NEK1: variants seen among roughly 807,000 people sequenced by gnomAD.
NEK1 encodes serine/threonine-protein kinase Nek1.
Under a neutral mutation model 182.1 loss-of-function variants are expected in NEK1, and 137 were observed. The observed-to-expected ratio is 0.75, with a 90% CI of 0.65 to 0.87. The LOEUF is 0.87. NEK1 is among the 40% of genes least tolerant of loss of function. NEK1 has a pLI of 0.00. For synonymous variants in NEK1, 513 were observed against 492.2 expected, an observed-to-expected ratio of 1.04 and a Z score of -0.56; for missense variants, 1,391 against 1,494.4, an observed-to-expected ratio of 0.93 and a Z score of 1.14.
At chr4:169,397,154 G>A (rs1730864406) in intron 35 of NEK1, among the ~76,000 whole-genome samples, 1 of 152,050 alleles carries the variant, frequency 6.6e-6, no homozygotes, top group African/African-American at 2.4e-5. Flanking sequence ...AGCCCAGGAG[G>A]CGGAGGTTGC....
intron 9 of NEK1, among the ~76,000 whole-genome samples, chr4:169,586,358 T>TA (rs538549068): frequency 1.3e-5 from 2 of 152,066 alleles, no homozygotes; most frequent in African/African-American, 2.4e-5. Flanking sequence ...GTCATTTGAG[T>TA]AAATTCAATC....
At chr4:169,405,180 T>C (rs1010518644) in intron 32 of NEK1, among the ~76,000 whole-genome samples, 7 of 152,206 alleles carry the variant, frequency 4.6e-5, no homozygotes, top group Non-Finnish European at 7.3e-5. Flanking sequence ...GCTAACATCA[T>C]AGAATGTGCT....
At chr4:169,601,593 G>T (rs1770496197) in intron 4 of NEK1, among the ~76,000 whole-genome samples, 2 of 152,066 alleles carry the variant, frequency 1.3e-5, no homozygotes, top group African/African-American at 4.8e-5. Context: ...GGTAGTGGTG[G>T]CAGCACTTAC....
chr4:169,587,168 T>C (rs955011386), intron 9 of NEK1, among the ~76,000 whole-genome samples: 3 of 152,026 alleles, frequency 2.0e-5, no homozygotes, highest in African/African-American at 4.8e-5. Context: ...AGTGAGTATA[T>C]GGAATGAAAT....
At chr4:169,521,854 G>A (rs1756115301) in intron 19 of NEK1, among the ~76,000 whole-genome samples, 1 of 151,974 alleles carries the variant, frequency 6.6e-6, no homozygotes, top group African/African-American at 2.4e-5. Context: ...CCATTTTTCA[G>A]ATTTGTCTTT....
chr4:169,458,815 G>C (rs1284552806), intron 27 of NEK1, among the ~76,000 whole-genome samples: 1 of 137,426 alleles, frequency 7.3e-6, no homozygotes, highest in Non-Finnish European at 1.5e-5. Context: ...GCAACACAGT[G>C]AGACCCCATC....
At chr4:169,572,033 C>T (rs977618071) in intron 12 of NEK1, among the ~76,000 whole-genome samples, 8 of 151,834 alleles carry the variant, frequency 5.3e-5, no homozygotes, top group East Asian at 3.9e-4. Context: ...CAGGAGCCAC[C>T]GGGCCCGGCC....
At chr4:169,592,698 T>TAA (rs56303055) in intron 5 of NEK1, among the ~76,000 whole-genome samples, 74 of 146,910 alleles carry the variant, frequency 5.0e-4, no homozygotes, top group African/African-American at 8.7e-4. Context: ...CAATTTTCTT[T>TAA]AAAAAAAAAA....
In NEK1 at chr4:169,498,405, T is replaced by C. The variant is rs189192193; in HGVS notation, c.2007+8632A>G. On this transcript the variant is annotated intron_variant, in intron 23 of 35. Transcript: ENST00000507142. ...AATTGGAGCATTTAGCCCATTTACATTTAAGGTTAATATTGTTATGTGTGA... is the reference window on the plus strand; with the variant it reads ...AATTGGAGCATTTAGCCCATTTACACTTAAGGTTAATATTGTTATGTGTGA... Among the ~76,000 whole-genome samples, 84 of 152,316 alleles carry C rather than the reference T, an allele frequency of 5.5e-4. No individual in the cohort carries two copies. In the East Asian group the frequency reaches 0.012, roughly 22 times the overall value.
intron 24 of NEK1, among the ~76,000 whole-genome samples, chr4:169,479,062 T>C (rs1455049347): frequency 2.6e-5 from 4 of 152,190 alleles, no homozygotes; most frequent in Non-Finnish European, 5.9e-5. Context: ...AGAGACATTA[T>C]TCTTTTTAAA....
chr4:169,531,598 G>A (rs965788810), intron 19 of NEK1, among the ~76,000 whole-genome samples: 24 of 152,092 alleles, frequency 1.6e-4, no homozygotes, highest in East Asian at 1.4e-3. Flanking sequence ...AATAAGGCCC[G>A]AAAGTAAGAG....
intron 19 of NEK1, among the ~76,000 whole-genome samples, chr4:169,536,002 A>G (rs1297080180): frequency 6.6e-6 from 1 of 151,698 alleles, no homozygotes; most frequent in Non-Finnish European, 1.5e-5. Flanking sequence ...AACATGAAGA[A>G]AACTACACAA....
chr4:169,409,993 T>C (rs1215972928), intron 31 of NEK1, among the ~76,000 whole-genome samples: 1 of 152,228 alleles, frequency 6.6e-6, no homozygotes, highest in African/African-American at 2.4e-5. Flanking sequence ...AGATTCTGAA[T>C]AGTAGACTGG....
intron 27 of NEK1, 29 bp downstream of exon 27, chr4:169,463,214 G>T: frequency 7.8e-7 from 1 of 1,286,910 alleles, no homozygotes; most frequent in South Asian, 2.3e-5. Flanking sequence ...ATTACTTCTA[G>T]TATAGAAAAA....
intron 2 of NEK1, among the ~76,000 whole-genome samples, chr4:169,610,020 T>C (rs1461078579): frequency 6.6e-6 from 1 of 151,184 alleles, no homozygotes; most frequent in Non-Finnish European, 1.5e-5. Flanking sequence ...GAATTTCTTT[T>C]TTTTTTTTTT....
chr4:169,509,403 TATTTCTC>T lies in NEK1; in HGVS notation c.1666-558_1666-552del, dbSNP rs200038249. 8.5e-3 allele frequency among the ~76,000 whole-genome samples: 1,289 copies of T among 152,260 alleles called. 12 individuals carry two copies. The highest frequency in any genetic ancestry group is 0.029 in the African/African-American group (1,213 of 41,548). ...GACTCATTTTTGAACATAGTTTATA[TATTTCTC>T]TTCCTTCAGCATACGAGCATGCTTC... On this transcript the variant is annotated intron_variant, in intron 19 of 35. Transcript: ENST00000507142.
At chr4:169,532,575 G>C (rs1757840276) in intron 19 of NEK1, among the ~76,000 whole-genome samples, 1 of 152,074 alleles carries the variant, frequency 6.6e-6, no homozygotes, top group Non-Finnish European at 1.5e-5. Flanking sequence ...GGAGGCATGA[G>C]GTATATAGAA....
At chr4:169,488,209 G>A (rs901565011) in intron 23 of NEK1, among the ~76,000 whole-genome samples, 23 of 151,882 alleles carry the variant, frequency 1.5e-4, no homozygotes, top group African/African-American at 5.3e-4. Context: ...TGCTTTTGTC[G>A]CTATTGCTTT....
At chr4:169,511,858 T>C (rs1462492542) in intron 19 of NEK1, among the ~76,000 whole-genome samples, 1 of 152,140 alleles carries the variant, frequency 6.6e-6, no homozygotes, top group Non-Finnish European at 1.5e-5. Context: ...AGACTCACAA[T>C]ATGTGTCCTT....
Sources: gnomAD v4.1 joint callset for allele counts (sites outside exome capture counted in the v4.1 genomes callset) on GRCh38, gnomAD v4.1.1 for gene constraint, MANE v1.5 for transcripts, NCBI Gene and HGNC (gene_info 2026-07-23, HGNC 2026-07-21) for gene names.